Variants in TBCD observed in about 807,000 individuals in gnomAD.
The protein encoded by TBCD is tubulin folding cofactor D, also known as tubulin-specific chaperone D.
A neutral mutation model predicts 169.3 loss-of-function variants in TBCD; 105 were observed. That is an observed-to-expected ratio of 0.62 (90% confidence interval 0.53 to 0.73). The LOEUF (loss-of-function observed/expected upper bound fraction) is 0.73. Among genes scored for constraint, TBCD ranks in the 30% least tolerant of loss-of-function variants. The probability of loss-of-function intolerance (pLI) is 0.00; values close to 1 mark genes in which losing one functional copy is unlikely to be tolerated. For missense variants in TBCD, 1,444 were observed against 1,600.1 expected (o/e 0.90, Z 1.66); for synonymous variants, 700 against 643.9 (o/e 1.09, Z -1.32).
At chr17:82,856,684 A>C (rs951954945) in intron 13 of TBCD, among the ~76,000 whole-genome samples, 1 of 152,138 alleles carries the variant, frequency 6.6e-6, no homozygotes, top group African/African-American at 2.4e-5. Context: ...GTCTGTTTGA[A>C]TCCCTGTCTT....
intron 13 of TBCD, among the ~76,000 whole-genome samples, chr17:82,818,972 C>T (rs868032906): frequency 3.3e-5 from 5 of 152,026 alleles, no homozygotes; most frequent in Non-Finnish European, 5.9e-5. Flanking sequence ...GCAGAAGAAT[C>T]GCGTGAACCC....
rs562099581 is a variant in TBCD, at chr17:82,851,945, T to G, written c.1319-18279T>G. Among the ~76,000 whole-genome samples, 832 of 152,310 alleles carry G rather than the reference T, an allele frequency of 5.5e-3. 4 individuals carry two copies. The highest frequency in any genetic ancestry group is 9.0e-3 in the Non-Finnish European group (613 of 68,010). On this transcript the variant is annotated intron_variant, in intron 13 of 38. Transcript: ENST00000355528. ...TCCTCACTGCTTCAGCGCATCTGCTTGTAAGCGGGAACGATTACTGTTGAC... is the reference window on the plus strand; with the variant it reads ...TCCTCACTGCTTCAGCGCATCTGCTGGTAAGCGGGAACGATTACTGTTGAC...
chr17:82,790,615 GC>G (rs1305039530), intron 7 of TBCD, among the ~76,000 whole-genome samples: 9 of 152,196 alleles, frequency 5.9e-5, no homozygotes, highest in African/African-American at 2.2e-4. Context: ...TCAGTGGCCA[GC>G]CCGTGGGACC....
chr17:82,781,814 CG>C, intron 7 of TBCD, 93 bp downstream of exon 7: 2 of 1,543,364 alleles, frequency 1.3e-6, no homozygotes, highest in Non-Finnish European at 1.8e-6. Context: ...TCCATCTTGA[CG>C]TAATTGGAAC....
intron 13 of TBCD, among the ~76,000 whole-genome samples, chr17:82,851,270 A>G (rs898465992): frequency 6.6e-6 from 1 of 152,258 alleles, no homozygotes; most frequent in Non-Finnish European, 1.5e-5. Flanking sequence ...TTTAAAATAA[A>G]AAGTTAAAAA....
rs77760790 is a variant in TBCD, at chr17:82,786,751, C to T, written c.771+5030C>T. Among the ~76,000 whole-genome samples, 44 of 151,548 alleles carry T rather than the reference C, an allele frequency of 2.9e-4. No individual in the cohort carries two copies. The East Asian group carries it at 7.4e-3, about 25-fold the overall frequency. On this transcript the variant is annotated intron_variant, in intron 7 of 38. Transcript: ENST00000355528. ...TGGGTGCAGGGCTCCGAGTCCTTCT[C>T]GGCTTGGGAGGGTCTTGTGGCCACA...
intron 23 of TBCD, among the ~76,000 whole-genome samples, chr17:82,919,432 C>T (rs888156734): frequency 2.0e-5 from 3 of 152,138 alleles, no homozygotes; most frequent in South Asian, 2.1e-4. Context: ...TGAGAATAAA[C>T]GTCTGTTCTA....
intron 23 of TBCD, among the ~76,000 whole-genome samples, chr17:82,916,191 G>A (rs149273663): frequency 3.9e-4 from 60 of 152,186 alleles, no homozygotes; most frequent in African/African-American, 7.0e-4. Context: ...TTTCCATAGT[G>A]TGTGTCTGCT....
At chr17:82,824,043 G>A (rs1191850256) in intron 13 of TBCD, among the ~76,000 whole-genome samples, 1 of 149,048 alleles carries the variant, frequency 6.7e-6, no homozygotes, top group African/African-American at 2.4e-5. Flanking sequence ...GGCCTTTCAT[G>A]TCTGGCTTAT....
intron 17 of TBCD, among the ~76,000 whole-genome samples, chr17:82,897,980 G>A (rs1046690528): frequency 6.1e-5 from 9 of 148,700 alleles, no homozygotes; most frequent in African/African-American, 2.0e-4. Flanking sequence ...TGTTCTCCCC[G>A]ATGGTTTTCT....
At chr17:82,892,689 C>T (rs528039312) in intron 16 of TBCD, among the ~76,000 whole-genome samples, 3 of 152,276 alleles carry the variant, frequency 2.0e-5, no homozygotes, top group African/African-American at 7.2e-5. Context: ...ATCTGAATCC[C>T]GGCCTCGGAG....
chr17:82,802,026 C>T (rs2050603243), intron 9 of TBCD, among the ~76,000 whole-genome samples: 1 of 151,300 alleles, frequency 6.6e-6, no homozygotes, highest in South Asian at 2.1e-4. Context: ...CGTCGTGTTG[C>T]TCAGAGGCGG....
intron 3 of TBCD, among the ~76,000 whole-genome samples, chr17:82,765,653 G>A (rs1258880239): frequency 6.6e-6 from 1 of 152,188 alleles, no homozygotes; most frequent in African/African-American, 2.4e-5. Context: ...GGATTTCTCC[G>A]GAAGGCGTGG....
At chr17:82,941,768 C>T (rs1362082249) in intron 38 of TBCD, 9 of 473,540 alleles carry the variant, frequency 1.9e-5, no homozygotes, top group Non-Finnish European at 3.4e-5. Flanking sequence ...CATGCCTGGC[C>T]CTGGGGTCTG....
chr17:82,762,749 C>CAA (rs764414318), intron 2 of TBCD, among the ~76,000 whole-genome samples: 3 of 133,166 alleles, frequency 2.3e-5, no homozygotes, highest in Non-Finnish European at 3.3e-5. Flanking sequence ...ACTCTGTCTC[C>CAA]AAAAAAAAAA....
rs1215798658 is a variant in TBCD at position 82,903,014 on chromosome 17, A to G, written c.1731-391A>G. Among the ~76,000 whole-genome samples, 1 of 152,050 alleles carries G rather than the reference A, an allele frequency of 6.6e-6. No homozygotes were observed. Among genetic ancestry groups the G allele is most frequent in the East Asian group, 1.9e-4 (1 of 5,176 alleles). ...GGCAGTTATTGGATATGTGCCCCAG[A>G]TTTGGTGGGTGAGCCTCAGGAAATT... On this transcript the variant is annotated intron_variant, in intron 18 of 38. Transcript: ENST00000355528. This position sits in a 1 kb window ranked among gnomAD's most constrained non-coding sequence, Gnocchi z 4.8.
chr17:82,851,325 A>G (rs943714122), intron 13 of TBCD, among the ~76,000 whole-genome samples: 3 of 152,256 alleles, frequency 2.0e-5, no homozygotes, highest in Non-Finnish European at 4.4e-5. Context: ...TTCTATCTAA[A>G]ATTTTGGGAT....
chr17:82,753,965 C>T (rs944370898), intron 1 of TBCD, among the ~76,000 whole-genome samples: 1 of 150,408 alleles, frequency 6.6e-6, no homozygotes, highest in Non-Finnish European at 1.5e-5. Context: ...CAACCTCCAC[C>T]TCCCAGGTTC....
In TBCD at chr17:82,930,499, T is replaced by C. The variant is rs1192068761; in HGVS notation, c.2992-23T>C. ...GGCAGGCTCGGGGGTCCCACTGCCT[T>C]CTGAGGTGTCTCCGTGTTGCAGATC... On this transcript the variant is annotated intron_variant, in intron 32 of 38. Coordinates refer to ENST00000355528, the MANE Select transcript of TBCD (RefSeq NM_005993.5). The surrounding 1 kb of genome is among the most constrained non-coding windows in gnomAD (Gnocchi z 5.2). 1 of 1,610,068 alleles carries C rather than the reference T, an allele frequency of 6.2e-7. No individual in the cohort carries two copies. Among genetic ancestry groups the C allele is most frequent in the Non-Finnish European group, 8.5e-7 (1 of 1,178,726 alleles).
Sources: gnomAD v4.1 joint callset for allele counts (sites outside exome capture counted in the v4.1 genomes callset) on GRCh38, gnomAD v4.1.1 for gene constraint, Gnocchi (gnomAD v3.1) non-coding constraint, MANE v1.5 for transcripts, NCBI Gene and HGNC (gene_info 2026-07-23, HGNC 2026-07-21) for gene names.